The following ADGRL3 variants were observed in gnomAD, a reference collection of about 807,000 sequenced individuals.
ADGRL3 encodes the protein adhesion G protein-coupled receptor L3.
Under a neutral mutation model 153.5 loss-of-function variants are expected in ADGRL3, and 62 were observed. The ratio of observed to expected loss-of-function variants is 0.40; its 90% CI spans 0.33 to 0.50. The LOEUF (loss-of-function observed/expected upper bound fraction) is 0.50, where lower values mean the gene tolerates loss of function less well. Ranked by LOEUF, ADGRL3 falls within the 20% of genes least tolerant of loss-of-function variation. The pLI, the probability that ADGRL3 is intolerant of heterozygous loss-of-function variation, is 0.47. For synonymous variants in ADGRL3, 710 were observed against 672.5 expected, an observed-to-expected ratio of 1.06 and a Z score of -0.86; for missense variants, 1,641 against 1,859.4, an observed-to-expected ratio of 0.88 and a Z score of 2.16.
intron 15 of ADGRL3, among the ~76,000 whole-genome samples, chr4:61,936,252 T>A (rs75665413): frequency 0.033 from 5,006 of 152,170 alleles, 178 homozygotes; most frequent in East Asian, 0.18. Context: ...ATTCTCAGAT[T>A]TGGAAATTGT....
At chr4:61,640,757 G>A (rs1488151387) in intron 5 of ADGRL3, among the ~76,000 whole-genome samples, 2 of 152,252 alleles carry the variant, frequency 1.3e-5, no homozygotes, top group East Asian at 3.9e-4. Context: ...CTTACATATG[G>A]TAGTCAGCAG....
intron 19 of ADGRL3, among the ~76,000 whole-genome samples, chr4:61,993,290 C>CTTTTTTT (rs761710043): frequency 1.4e-5 from 1 of 69,200 alleles, no homozygotes; most frequent in African/African-American, 5.3e-5. Flanking sequence ...TCTTTCTTTC[C>CTTTTTTT]TTTTTTTTTT....
At chr4:62,009,179 G>A (rs931641279) in intron 21 of ADGRL3, among the ~76,000 whole-genome samples, 15 of 152,072 alleles carry the variant, frequency 9.9e-5, no homozygotes, top group African/African-American at 3.6e-4. Flanking sequence ...ACTGTCGAAA[G>A]GCTTTATTAA....
chr4:61,994,390 G>A (rs745331066), intron 19 of ADGRL3, among the ~76,000 whole-genome samples: 27 of 151,924 alleles, frequency 1.8e-4, no homozygotes, highest in Non-Finnish European at 2.9e-4. Context: ...AGGCTCAAGC[G>A]ATCCTCCTGC....
intron 9 of ADGRL3, among the ~76,000 whole-genome samples, chr4:61,864,790 T>C (rs1428449284): frequency 1.3e-5 from 2 of 152,208 alleles, no homozygotes; most frequent in African/African-American, 4.8e-5. Context: ...TTTACTGAGC[T>C]GAGGGAGTTC....
intron 1 of ADGRL3, among the ~76,000 whole-genome samples, chr4:61,299,172 T>A (rs2094504519): frequency 6.6e-6 from 1 of 152,088 alleles, no homozygotes; most frequent in Non-Finnish European, 1.5e-5. Context: ...CCCTTTTCTG[T>A]GATGTGTCTT....
At chr4:61,499,623 A>G (rs957109307) in intron 3 of ADGRL3, among the ~76,000 whole-genome samples, 6 of 152,216 alleles carry the variant, frequency 3.9e-5, no homozygotes, top group African/African-American at 9.6e-5. Context: ...CCTTCATCAT[A>G]TAATCTATCC....
intron 1 of ADGRL3, among the ~76,000 whole-genome samples, chr4:61,357,595 A>G (rs1280465879): frequency 6.6e-6 from 1 of 152,094 alleles, no homozygotes; most frequent in South Asian, 2.1e-4. Flanking sequence ...TTTAAAGAGT[A>G]TTTTACATTT....
At chr4:61,668,475 A>T (rs2094879150) in intron 5 of ADGRL3, among the ~76,000 whole-genome samples, 3 of 152,186 alleles carry the variant, frequency 2.0e-5, no homozygotes, top group Admixed American at 6.5e-5. Flanking sequence ...CGAATACAAT[A>T]TCCTAGGTTC....
At chr4:61,791,296 G>C (rs1367096261) in intron 8 of ADGRL3, among the ~76,000 whole-genome samples, 2 of 152,208 alleles carry the variant, frequency 1.3e-5, no homozygotes. Context: ...AATTCCAAAT[G>C]GGATAAACTG....
At chr4:61,735,341 G>A (rs889630659) in intron 8 of ADGRL3, among the ~76,000 whole-genome samples, 4 of 152,186 alleles carry the variant, frequency 2.6e-5, no homozygotes, top group Non-Finnish European at 4.4e-5. Flanking sequence ...CTGATATTAC[G>A]TTGAATTGGC....
chr4:61,424,656 C>G (rs950469636), intron 2 of ADGRL3, among the ~76,000 whole-genome samples: 4 of 152,162 alleles, frequency 2.6e-5, no homozygotes, highest in South Asian at 2.1e-4. Context: ...CAGATGCCAC[C>G]TTGGGCAGCT....
chr4:61,393,350 AAGTAATCC>A (rs1209813270), intron 2 of ADGRL3, among the ~76,000 whole-genome samples: 1 of 152,188 alleles, frequency 6.6e-6, no homozygotes, highest in Non-Finnish European at 1.5e-5. Flanking sequence ...GAAATCCACT[AAGTAATCC>A]AGAAGCTTAA....
intron 1 of ADGRL3, among the ~76,000 whole-genome samples, chr4:61,318,299 A>G (rs2095278406): frequency 6.6e-6 from 1 of 152,018 alleles, no homozygotes; most frequent in Admixed American, 6.6e-5. Context: ...GTCTGCTTCA[A>G]CAACTTTGGA....
chr4:61,855,382 C>T (rs925113878), intron 9 of ADGRL3, among the ~76,000 whole-genome samples: 5 of 152,040 alleles, frequency 3.3e-5, no homozygotes, highest in African/African-American at 1.2e-4. Flanking sequence ...ATATTGAAGA[C>T]TATTTTCTGG....
chr4:61,914,046 G>C (rs944638855), intron 13 of ADGRL3, among the ~76,000 whole-genome samples: 1 of 152,040 alleles, frequency 6.6e-6, no homozygotes, highest in African/African-American at 2.4e-5. Context: ...TTACTATCTA[G>C]GAGAAAATAT....
At chr4:61,400,259 A>C (rs925859135) in intron 2 of ADGRL3, among the ~76,000 whole-genome samples, 1 of 151,844 alleles carries the variant, frequency 6.6e-6, no homozygotes, top group African/African-American at 2.4e-5. Flanking sequence ...AAATATTACC[A>C]GTGGATTTGA....
intron 21 of ADGRL3, among the ~76,000 whole-genome samples, chr4:62,027,382 C>T (rs1387488058): frequency 6.6e-6 from 1 of 151,990 alleles, no homozygotes; most frequent in Non-Finnish European, 1.5e-5. Flanking sequence ...TCCATTATGG[C>T]AGCTACTATG....
intron 21 of ADGRL3, among the ~76,000 whole-genome samples, chr4:62,000,954 T>G (rs1311694239): frequency 6.6e-6 from 1 of 151,798 alleles, no homozygotes; most frequent in Non-Finnish European, 1.5e-5. Context: ...GCTAATTTTT[T>G]TGTGTTTTTT....
Sources: gnomAD v4.1 joint callset for allele counts (sites outside exome capture counted in the v4.1 genomes callset) on GRCh38, gnomAD v4.1.1 for gene constraint, MANE v1.5 for transcripts, NCBI Gene and HGNC (gene_info 2026-07-23, HGNC 2026-07-21) for gene names.